SLC9B2: variants seen among roughly 807,000 people sequenced by gnomAD.
SLC9B2 encodes the protein sodium/hydrogen exchanger 9B2.
A neutral mutation model predicts 52.2 loss-of-function variants in SLC9B2; 39 were observed. The observed-to-expected ratio is 0.75, with a 90% CI of 0.58 to 0.98. SLC9B2 has a LOEUF of 0.98. SLC9B2 is among the 50% of genes least tolerant of loss of function. SLC9B2 has a pLI of 0.00. For missense variants in SLC9B2, 626 were observed against 637.5 expected (o/e 0.98, Z 0.19); for synonymous variants, 214 against 227.0 (o/e 0.94, Z 0.51).
chr4:103,034,000 G>A (rs1742930299), intron 9 of SLC9B2, among the ~76,000 whole-genome samples: 2 of 152,038 alleles, frequency 1.3e-5, no homozygotes, highest in South Asian at 4.1e-4. Flanking sequence ...ATAGCCAAAA[G>A]CAATCCTAAG....
chr4:103,042,238 T>C (rs1743706652), intron 9 of SLC9B2: 1 of 152,100 alleles, frequency 6.6e-6, no homozygotes. Context: ...ATGGCATTAT[T>C]TTAATTATTT....
intron 9 of SLC9B2, among the ~76,000 whole-genome samples, chr4:103,035,469 A>C (rs1427341475): frequency 2.0e-5 from 3 of 152,122 alleles, no homozygotes; most frequent in African/African-American, 7.2e-5. Flanking sequence ...TTTATAACAG[A>C]ATGATTTATA....
intron 6 of SLC9B2, among the ~76,000 whole-genome samples, chr4:103,048,113 C>T (rs539059097): frequency 3.3e-5 from 5 of 152,234 alleles, no homozygotes; most frequent in African/African-American, 9.6e-5. Context: ...TAGAAGAAAA[C>T]GATATGACAG....
intron 5 of SLC9B2, among the ~76,000 whole-genome samples, chr4:103,050,000 G>A (rs1208962886): frequency 3.4e-5 from 5 of 148,900 alleles, no homozygotes; most frequent in African/African-American, 1.2e-4. Context: ...GTGACAGAGC[G>A]AGACTCTGTC....
intron 1 of SLC9B2, among the ~76,000 whole-genome samples, chr4:103,074,045 T>C (rs977088496): frequency 1.3e-5 from 2 of 152,232 alleles, no homozygotes; most frequent in African/African-American, 4.8e-5. Context: ...TATTGGGGCA[T>C]ATTACATAAG....
chr4:103,029,723 G>T (rs897502869), intron 10 of SLC9B2, among the ~76,000 whole-genome samples: 6 of 152,160 alleles, frequency 3.9e-5, no homozygotes, highest in African/African-American at 1.4e-4. Flanking sequence ...TGACTCCTGA[G>T]TATTAGGGTG....
intron 1 of SLC9B2, among the ~76,000 whole-genome samples, chr4:103,074,049 A>G (rs1249039653): frequency 6.6e-6 from 1 of 152,232 alleles, no homozygotes; most frequent in Non-Finnish European, 1.5e-5. Flanking sequence ...GGGGCATATT[A>G]CATAAGATTT....
chr4:103,020,080 G>T, downstream of SLC9B2: 1 of 269,430 alleles, frequency 3.7e-6, no homozygotes, highest in Non-Finnish European at 6.3e-6. Flanking sequence ...GCTGTCACTT[G>T]CTAGCTATGG....
In SLC9B2 at chr4:103,076,444, C is replaced by A. The variant is rs1366657302; in HGVS notation, c.-303G>T. The A allele has an allele frequency of 6.6e-6, 1 of 152,274 alleles. No individual in the cohort carries two copies. Among genetic ancestry groups the A allele is most frequent in the East Asian group, 1.9e-4 (1 of 5,190 alleles). The allele number at this position is 152,274 out of a possible 1,614,324, so 9.4% of individuals were successfully genotyped here. ...TCCGACCCGTCGGCGCCGGTACAGG[C>A]TCCGGAGTAAGCATGGGTTGGTCCG... On this transcript the variant is annotated 5_prime_UTR_variant, in exon 1 of 12. Coordinates refer to ENST00000394785, the MANE Select transcript of SLC9B2 (RefSeq NM_178833.7).
In SLC9B2 at chr4:103,066,482, C is replaced by G. The variant is rs779427445; in HGVS notation, c.116G>C (p.Gly39Ala). 5.0e-6 allele frequency: 8 copies of G among 1,613,658 alleles called. No individual in the cohort carries two copies. In the Admixed American group the frequency reaches 1.0e-4, roughly 20 times the overall value. ...AQEETVMKLK[G>A]IDANEPTEGS... ...TTCTGTTGGTTCATTTGCATCTATA[C>G]CTTTGAGCTTCATAACTGTCTCCTC... The change falls in exon 3 of 12, where the codon GGT becomes GCT. Residue 39 changes from glycine to alanine, a missense_variant. Gly to Ala is a moderately conservative substitution (Grantham distance 60, BLOSUM62 0). Coordinates refer to ENST00000394785, the MANE Select transcript of SLC9B2 (RefSeq NM_178833.7).
intron 5 of SLC9B2, 60 bp from the exon 6 acceptor site, chr4:103,049,080 C>A: frequency 6.3e-7 from 1 of 1,579,658 alleles, no homozygotes; most frequent in Non-Finnish European, 8.6e-7. Context: ...AGAAGATGAC[C>A]TTGAATGCTT....
At position 103,067,510 on chromosome 4, in the gene SLC9B2, T is replaced by A; in HGVS notation, c.41A>T (p.Glu14Val). The A allele has an allele frequency of 3.1e-6, 5 of 1,613,494 alleles. No homozygotes were observed. The highest frequency in any genetic ancestry group is 4.2e-6 in the Non-Finnish European group (5 of 1,179,524). The change falls in exon 2 of 12, where the codon GAA (glutamate) becomes GTA (valine). Residue 14 changes from glutamate to valine, a missense_variant. Coordinates refer to ENST00000394785, the MANE Select transcript of SLC9B2 (RefSeq NM_178833.7). ...CGTGTAATTCATTCCTGTGGATGGT[T>A]CTGAATCTTCATATGTAATTCTTTT... ...EDKRITYEDS[E>V]PSTGMNYTPS...
At chr4:103,018,753 C>T (rs1235612880), downstream of SLC9B2, among the ~76,000 whole-genome samples, 1 of 152,130 alleles carries the variant, frequency 6.6e-6, no homozygotes, top group East Asian at 1.9e-4. Context: ...TGCAACTTTC[C>T]TTTTTCCTTC....
At chr4:103,019,509 C>T, downstream of SLC9B2, 1 of 905,982 alleles carries the variant, frequency 1.1e-6, no homozygotes, top group African/African-American at 1.8e-5. Context: ...AAAGGCCCTC[C>T]TGCGGCCTAC....
intron 3 of SLC9B2, 82 bp from the exon 4 acceptor site, chr4:103,058,053 ATAAATAC>A: frequency 1.6e-6 from 2 of 1,238,430 alleles, no homozygotes; most frequent in Non-Finnish European, 2.3e-6. Flanking sequence ...ATTTGTAAAA[ATAAATAC>A]TGAATGAAAA....
At position 103,024,784 on chromosome 4, in the gene SLC9B2, A is replaced by C. The variant is rs891312677; in HGVS notation, c.*1586T>G. ...TGTGATTATTTCAGTAACTACACAG[A>C]AGATGACCTAGAGTGAAGAGGAACT... On this transcript the variant is annotated 3_prime_UTR_variant, in exon 12 of 12. Coordinates refer to ENST00000394785, the MANE Select transcript of SLC9B2 (RefSeq NM_178833.7). Among the ~76,000 whole-genome samples, 1 of 152,238 alleles carries C rather than the reference A, an allele frequency of 6.6e-6. No homozygotes were observed. The highest frequency in any genetic ancestry group is 1.5e-5 in the Non-Finnish European group (1 of 68,038).
intron 9 of SLC9B2, among the ~76,000 whole-genome samples, chr4:103,042,974 T>C (rs1415076923): frequency 1.3e-5 from 2 of 152,086 alleles, no homozygotes; most frequent in Non-Finnish European, 2.9e-5. Context: ...TAAGGATATA[T>C]TATTGAAGCA....
rs1746114103 is a variant in SLC9B2, at chr4:103,066,308, T to C, written c.271+19A>G. The stretch of plus-strand genomic sequence containing the variant: ...TAACAACTTCATCTTTTGCCATCTC[T>C]TTCTGAATTCATCCTTACCATTTGT... On this transcript the variant is annotated intron_variant, in intron 3 of 11. Transcript: ENST00000394785. The C allele has an allele frequency of 1.3e-6, 2 of 1,596,634 alleles. No individual in the cohort carries two copies. The highest frequency in any genetic ancestry group is 1.7e-6 in the Non-Finnish European group (2 of 1,169,534).
rs775972200 is a variant in SLC9B2 at position 103,028,845 on chromosome 4, G to A, written c.1294C>T (p.Arg432Ter). 32 of 1,607,558 alleles carry A rather than the reference G, an allele frequency of 2.0e-5. No individual in the cohort carries two copies. The highest frequency in any genetic ancestry group is 6.8e-5 in the East Asian group (3 of 44,348). Residue 432 changes from arginine to a stop codon, truncating the protein, a stop_gained, in exon 11 of 12, where the codon CGA becomes TGA. Coordinates refer to ENST00000394785, the MANE Select transcript of SLC9B2 (RefSeq NM_178833.7). LOFTEE classifies it high-confidence loss of function. ...VATVGIAVLIRILTTFLMVCF... is the reference protein window; with the variant it reads ...VATVGIAVLI ...ACCATCAGAAATGTAGTCAAAATTC[G>A]TATCAATACTGCAATGCCTACGGTG...
Sources: allele counts gnomAD v4.1 joint callset (sites outside exome capture counted in the v4.1 genomes callset), GRCh38; gene constraint gnomAD v4.1.1; transcripts MANE v1.5; gene names NCBI Gene and HGNC (gene_info 2026-07-23, HGNC 2026-07-21).